The following HSPA14 variants were observed in gnomAD, a reference collection of about 807,000 sequenced individuals.
HSPA14 encodes the protein heat shock 70 kDa protein 14.
HSPA14 carries 37 observed loss-of-function variants against 65.5 expected under a neutral mutation model. The ratio of observed to expected loss-of-function variants is 0.56; its 90% CI spans 0.43 to 0.74. The LOEUF is 0.74. HSPA14 is among the 30% of genes least tolerant of loss of function. The pLI is 0.00. For missense variants in HSPA14, 564 were observed against 607.6 expected, an observed-to-expected ratio of 0.93 and a Z score of 0.75; for synonymous variants, 203 against 214.2, an observed-to-expected ratio of 0.95 and a Z score of 0.46.
At chr10:14,859,272 C>T (rs1832732604) in intron 10 of HSPA14, among the ~76,000 whole-genome samples, 2 of 152,180 alleles carry the variant, frequency 1.3e-5, no homozygotes, top group Non-Finnish European at 2.9e-5. Context: ...GGTGCAGCCA[C>T]TCCACACGTG....
chr10:14,852,367 A>T lies in HSPA14; in HGVS notation c.573-3A>T. 1 of 1,611,402 alleles carries T rather than the reference A, an allele frequency of 6.2e-7. No individual in the cohort carries two copies. Among genetic ancestry groups the T allele is most frequent in the Non-Finnish European group, 8.5e-7 (1 of 1,178,532 alleles). On this transcript the variant is annotated splice_region_variant and splice_polypyrimidine_tract_variant and intron_variant, in intron 7 of 13. Transcript: ENST00000378372. ...TGATAACTTACTTTATCTTCTCTTG[A>T]AGCAATATTTTGGTGTTTAAGCTTG...
At chr10:14,852,964 C>T (rs923469139) in intron 8 of HSPA14, among the ~76,000 whole-genome samples, 5 of 151,978 alleles carry the variant, frequency 3.3e-5, no homozygotes, top group African/African-American at 9.7e-5. Context: ...ATCTTAATTA[C>T]TCATCTGCTG....
Position 14,842,126 on chromosome 10 carries a change from C to G in HSPA14, c.221+1969C>G. 6.5e-7 allele frequency: 1 copy of G among 1,529,598 alleles called. No individual in the cohort carries two copies. Among genetic ancestry groups the G allele is most frequent in the South Asian group, 1.2e-5 (1 of 83,106 alleles). The allele number at this position is 1,529,598 out of a possible 1,614,324, so 94.8% of individuals were successfully genotyped here. A position where few individuals can be genotyped will look rare whatever the true frequency, so the allele number is the denominator to read the frequency against. ...TCCTGTAACTCTCATTCCCCTGTGG[C>G]CTTCCAGCCAGAAATGCGGTCCTTG... On this transcript the variant is annotated intron_variant, in intron 3 of 13. Transcript: ENST00000378372. The surrounding 1 kb of genome is among the most constrained non-coding windows in gnomAD (Gnocchi z 5.2).
chr10:14,870,728 TTTA>T, intron 13 of HSPA14, 61 bp downstream of exon 13: 1 of 1,365,812 alleles, frequency 7.3e-7, no homozygotes, highest in Non-Finnish European at 9.9e-7. Context: ...ATTTTTTGAG[TTTA>T]TTGATTTTTT....
intron 2 of HSPA14, 34 bp from the exon 3 acceptor site, chr10:14,840,041 A>AGT: frequency 8.4e-7 from 1 of 1,194,512 alleles, no homozygotes; most frequent in South Asian, 1.8e-5. Flanking sequence ...CATACATTGT[A>AGT]ATATATATAT....
At chr10:14,870,215 A>C (rs1271360275) in intron 12 of HSPA14, among the ~76,000 whole-genome samples, 1 of 149,648 alleles carries the variant, frequency 6.7e-6, no homozygotes, top group Non-Finnish European at 1.5e-5. Context: ...TTTTTTTTTT[A>C]AGTATATATA....
rs532422909 is a variant in HSPA14 at position 14,867,963 on chromosome 10, G to A, written c.1380+54G>A. On this transcript the variant is annotated intron_variant, in intron 12 of 13. Transcript: ENST00000378372. ...CTGTTCAACTTTGCTTTCTGGATTA[G>A]ATTCAGTTTAATATCTTAATACAAA... 5.6e-6 allele frequency: 8 copies of A among 1,416,140 alleles called. No individual in the cohort carries two copies. In the South Asian group the frequency reaches 1.1e-4, roughly 19 times the overall value. The allele number at this position is 1,416,140 out of a possible 1,614,324, so 87.7% of individuals were successfully genotyped here.
chr10:14,856,269 A>G (rs76829203), intron 10 of HSPA14, among the ~76,000 whole-genome samples: 1,705 of 152,322 alleles, frequency 0.011, 37 homozygotes, highest in African/African-American at 0.039. Context: ...AATACTCACA[A>G]TAACTCTGAG....
At chr10:14,867,492 C>T (rs1327481988) in intron 11 of HSPA14, among the ~76,000 whole-genome samples, 197 bp downstream of exon 11, 1 of 152,048 alleles carries the variant, frequency 6.6e-6, no homozygotes, top group Non-Finnish European at 1.5e-5. Context: ...TAATATTTCT[C>T]TAACCTCTTA....
chr10:14,867,617 T>C, intron 11 of HSPA14, 119 bp from the exon 12 acceptor site: 2 of 833,090 alleles, frequency 2.4e-6, no homozygotes, highest in South Asian at 3.8e-5. Context: ...TCTATTTTCT[T>C]CTCTTTGCCT....
intron 5 of HSPA14, 45 bp downstream of exon 5, chr10:14,848,940 G>T: frequency 1.9e-6 from 2 of 1,057,300 alleles, no homozygotes; most frequent in South Asian, 1.4e-5. Flanking sequence ...ATGATCTTTT[G>T]AAAGTTGACC....
chr10:14,867,229 G>C lies in HSPA14; in HGVS notation c.1140G>C (p.Gly380=). The change falls in exon 11 of 14, where the codon GGG becomes GGC. Residue 380 remains glycine (G), a synonymous_variant. Coordinates refer to ENST00000378372, the MANE Select transcript of HSPA14 (RefSeq NM_016299.4). ...GAAIEAGILI[G]KENLLVEDSL... is the part of the protein sequence containing the mutation. ...CTATAGAAGCAGGAATTCTTATTGG[G>C]AAAGAAAACCTGTTGGTGGAAGACT... is the stretch of plus-strand genomic sequence containing the variant. 1 of 1,613,762 alleles carries C rather than the reference G, an allele frequency of 6.2e-7. No individual in the cohort carries two copies. Among genetic ancestry groups the C allele is most frequent in the Non-Finnish European group, 8.5e-7 (1 of 1,179,742 alleles).
intron 3 of HSPA14, chr10:14,844,357 G>A (rs1834017400): frequency 9.7e-7 from 1 of 1,025,930 alleles, no homozygotes; most frequent in South Asian, 3.6e-5. Context: ...AGGCAGATTG[G>A]TTTACAAGAT....
intron 4 of HSPA14, 45 bp from the exon 5 acceptor site, chr10:14,848,745 T>G: frequency 7.0e-7 from 1 of 1,430,502 alleles, no homozygotes; most frequent in Non-Finnish European, 9.6e-7. Flanking sequence ...CTTTGCATTT[T>G]TATTAAAAAT....
chr10:14,861,230 T>C (rs1339367520), intron 10 of HSPA14, among the ~76,000 whole-genome samples: 1 of 151,860 alleles, frequency 6.6e-6, no homozygotes, highest in African/African-American at 2.4e-5. Flanking sequence ...GAAAATGGGG[T>C]GGTTGAGGGT....
At chr10:14,846,693 A>G in intron 3 of HSPA14, 1 of 967,526 alleles carries the variant, frequency 1.0e-6, no homozygotes, top group African/African-American at 1.8e-5. Context: ...GATCAAAGGA[A>G]CAGATGAATG....
intron 3 of HSPA14, among the ~76,000 whole-genome samples, chr10:14,843,183 GT>G (rs1422138613): frequency 1.3e-5 from 2 of 152,326 alleles, no homozygotes; most frequent in East Asian, 3.9e-4. Flanking sequence ...CAAGGGAGAA[GT>G]TTTAGAGGTG....
intron 3 of HSPA14, 48 bp downstream of exon 3, chr10:14,840,205 A>G (rs766213150): frequency 2.1e-6 from 2 of 939,172 alleles, no homozygotes; most frequent in East Asian, 2.8e-5. Flanking sequence ...GAACATGTTC[A>G]TAAATTCTAA....
In HSPA14 at chr10:14,840,012, C is replaced by G. The variant is rs763192670; in HGVS notation, c.138+27C>G. ...TACTAGTCCCCCCATTTTTGTACTTCTGAAATAATTTAAAATTACATACAT... is the reference window on the plus strand; with the variant it reads ...TACTAGTCCCCCCATTTTTGTACTTGTGAAATAATTTAAAATTACATACAT... On this transcript the variant is annotated intron_variant, in intron 2 of 13. Transcript: ENST00000378372. 5.8e-6 allele frequency: 9 copies of G among 1,549,486 alleles called. No homozygotes were observed. The Admixed American group carries it at 1.4e-4, about 24-fold the overall frequency.
Sources: allele counts gnomAD v4.1 joint callset (sites outside exome capture counted in the v4.1 genomes callset), GRCh38; gene constraint gnomAD v4.1.1; non-coding constraint Gnocchi (gnomAD v3.1); transcripts MANE v1.5; gene names NCBI Gene and HGNC (gene_info 2026-07-23, HGNC 2026-07-21).